Variants in TENM2 observed in about 807,000 individuals in gnomAD.
TENM2 encodes teneurin transmembrane protein 2.
Under a neutral mutation model 245.2 loss-of-function variants are expected in TENM2, and 52 were observed. The observed-to-expected ratio is 0.21, with a 90% confidence interval of 0.17 to 0.27. The LOEUF (loss-of-function observed/expected upper bound fraction) is 0.27. Ranked by LOEUF, TENM2 falls within the 10% of genes least tolerant of loss-of-function variation. TENM2 has a pLI of 1.00. For missense variants in TENM2, 3,046 were observed against 3,666.8 expected, an observed-to-expected ratio of 0.83 and a Z score of 4.37; for synonymous variants, 1,363 against 1,438.9, an observed-to-expected ratio of 0.95 and a Z score of 1.19.
At chr5:167,595,295 A>G (rs1267037266) in intron 2 of TENM2, among the ~76,000 whole-genome samples, 2 of 152,230 alleles carry the variant, frequency 1.3e-5, no homozygotes, top group Non-Finnish European at 2.9e-5. Flanking sequence ...TTAGTCATTT[A>G]GAACCACAGA....
the TENM2 span, among the ~76,000 whole-genome samples, chr5:167,086,248 C>T: frequency 1.8e-4 from 28 of 152,210 alleles, no homozygotes; most frequent in African/African-American, 6.3e-4. Context: ...TTCTCCCTCT[C>T]GCTTTCTATG....
intron 2 of TENM2, among the ~76,000 whole-genome samples, chr5:167,419,831 A>G (rs571277892): frequency 1.3e-5 from 2 of 152,204 alleles, no homozygotes; most frequent in Non-Finnish European, 2.9e-5. Context: ...CCTCATTTGA[A>G]CTAAAATCAG....
chr5:167,048,489 C>T, the TENM2 span, among the ~76,000 whole-genome samples: 1 of 152,252 alleles, frequency 6.6e-6, no homozygotes, highest in South Asian at 2.1e-4. Context: ...CGCACATACA[C>T]ACAACTAACC....
At chr5:167,157,414 C>G in the TENM2 span, among the ~76,000 whole-genome samples, 1 of 152,128 alleles carries the variant, frequency 6.6e-6, no homozygotes, top group Non-Finnish European at 1.5e-5. Context: ...AAATTTGACA[C>G]TTTCTAATTT....
At chr5:167,193,351 A>AAGT in the TENM2 span, among the ~76,000 whole-genome samples, 1 of 151,978 alleles carries the variant, frequency 6.6e-6, no homozygotes, top group Admixed American at 6.6e-5. Flanking sequence ...TGTGAATCTG[A>AAGT]TTCCCCATAT....
chr5:168,158,826 T>A (rs1345590586), intron 12 of TENM2, among the ~76,000 whole-genome samples: 1 of 78,242 alleles, frequency 1.3e-5, no homozygotes, highest in Non-Finnish European at 2.6e-5. Context: ...TGTGTGTGTG[T>A]GTGTATATAT....
At position 167,395,199 on chromosome 5, in the gene TENM2, A is replaced by G. The variant is rs151103421; in HGVS notation, c.502+19726A>G. ...AAAGTTTTATAGTTTTCACTGTACA[A>G]GTCGTTCACTGCCTTGAGTGAGTTT... is the stretch of plus-strand genomic sequence containing the variant. On this transcript the variant is annotated intron_variant, in intron 2 of 28. Transcript: ENST00000518659. 4.7e-4 allele frequency among the ~76,000 whole-genome samples: 72 copies of G among 152,218 alleles called. 3 individuals carry two copies. In the East Asian group the frequency reaches 0.013, roughly 27 times the overall value.
chr5:167,471,197 T>A (rs1372089013), intron 2 of TENM2, among the ~76,000 whole-genome samples: 2 of 152,180 alleles, frequency 1.3e-5, no homozygotes, highest in African/African-American at 4.8e-5. Flanking sequence ...TCTCTACATA[T>A]TCATGAGAAT....
rs1757847604 is a variant in TENM2 at position 168,162,593 on chromosome 5, C to T, written c.2423-18C>T. ...GCCTCACGTCCCTCCTTCTCATCCT[C>T]TCCATTTCTCCAACCAGATGGCTGC... On this transcript the variant is annotated intron_variant, in intron 12 of 28. Transcript: ENST00000518659. 6.2e-7 allele frequency: 1 copy of T among 1,612,172 alleles called. No homozygotes were observed. Among genetic ancestry groups the T allele is most frequent in the African/African-American group, 1.3e-5 (1 of 74,898 alleles).
At chr5:167,801,689 G>A (rs1765788742) in intron 2 of TENM2, among the ~76,000 whole-genome samples, 1 of 152,106 alleles carries the variant, frequency 6.6e-6, no homozygotes, top group South Asian at 2.1e-4. Flanking sequence ...CAGGGGATAT[G>A]CCTCCTGAGA....
At chr5:167,194,129 G>T in the TENM2 span, among the ~76,000 whole-genome samples, 2 of 151,836 alleles carry the variant, frequency 1.3e-5, no homozygotes, top group South Asian at 2.1e-4. Flanking sequence ...ACCCTCACTC[G>T]TAATGAGGCC....
chr5:167,511,165 C>A (rs1291794256), intron 2 of TENM2, among the ~76,000 whole-genome samples: 1 of 152,158 alleles, frequency 6.6e-6, no homozygotes, highest in Non-Finnish European at 1.5e-5. Flanking sequence ...ATGTCCTTAA[C>A]TCATCACAAT....
At chr5:168,168,489 C>T (rs528732338) in intron 13 of TENM2, among the ~76,000 whole-genome samples, 23 of 152,194 alleles carry the variant, frequency 1.5e-4, no homozygotes, top group Non-Finnish European at 2.9e-4. Flanking sequence ...AGACCAGCCT[C>T]GGCAACATGG....
intron 14 of TENM2, 75 bp from the exon 17 acceptor site, chr5:168,195,101 G>C (rs1761295364): frequency 6.6e-7 from 1 of 1,526,394 alleles, no homozygotes; most frequent in African/African-American, 1.4e-5. Context: ...ATGAGGATGA[G>C]GGAGCAGAGG....
chr5:167,568,524 T>C (rs549959408), intron 2 of TENM2, among the ~76,000 whole-genome samples: 2 of 152,098 alleles, frequency 1.3e-5, no homozygotes, highest in Admixed American at 6.6e-5. Flanking sequence ...TCATGAAGTT[T>C]ATGCAAATAT....
At chr5:167,327,671 T>C (rs1046550738) in intron 1 of TENM2, among the ~76,000 whole-genome samples, 2 of 152,006 alleles carry the variant, frequency 1.3e-5, no homozygotes, top group African/African-American at 4.8e-5. Flanking sequence ...TTCAAAAGAT[T>C]TGGAGATGGG....
At chr5:167,607,069 C>G (rs762195580) in intron 2 of TENM2, among the ~76,000 whole-genome samples, 12 of 152,080 alleles carry the variant, frequency 7.9e-5, no homozygotes, top group Non-Finnish European at 1.6e-4. Flanking sequence ...TAAATATCTA[C>G]AGGGCCCAGG....
the TENM2 span, among the ~76,000 whole-genome samples, chr5:167,014,215 T>C: frequency 6.7e-6 from 1 of 150,208 alleles, no homozygotes; most frequent in Non-Finnish European, 1.5e-5. Flanking sequence ...TAAAGTTTCA[T>C]AGTGTCAAAG....
chr5:167,243,645 C>T, the TENM2 span, among the ~76,000 whole-genome samples: 3 of 152,052 alleles, frequency 2.0e-5, no homozygotes, highest in Non-Finnish European at 4.4e-5. Context: ...CTCAGTATCC[C>T]TCCAAACTGC....
Sources: gnomAD v4.1 joint callset for allele counts (sites outside exome capture counted in the v4.1 genomes callset) on GRCh38, gnomAD v4.1.1 for gene constraint, MANE v1.5 for transcripts, NCBI Gene and HGNC (gene_info 2026-07-23, HGNC 2026-07-21) for gene names.